The following GPHN variants were observed in gnomAD, a reference collection of about 807,000 sequenced individuals.
GPHN encodes the protein gephyrin.
Under a neutral mutation model 95.5 loss-of-function variants are expected in GPHN, and 17 were observed. That is an observed-to-expected ratio of 0.18 (90% confidence interval 0.12 to 0.27). The LOEUF (loss-of-function observed/expected upper bound fraction) is 0.27, where lower values mean the gene tolerates loss of function less well. Ranked by LOEUF, GPHN falls within the 10% of genes least tolerant of loss-of-function variation. GPHN has a pLI of 1.00. For missense variants in GPHN, 660 were observed against 978.1 expected (o/e 0.67, Z 4.34); for synonymous variants, 320 against 322.5 (o/e 0.99, Z 0.08).
At chr14:67,050,434 G>A (rs1029940447) in intron 10 of GPHN, among the ~76,000 whole-genome samples, 6 of 152,124 alleles carry the variant, frequency 3.9e-5, no homozygotes, top group Non-Finnish European at 8.8e-5. Context: ...TGTAAGGAAG[G>A]CACTATTCTA....
At chr14:67,497,923 C>T in the GPHN span, among the ~76,000 whole-genome samples, 1 of 151,958 alleles carries the variant, frequency 6.6e-6, no homozygotes, top group African/African-American at 2.4e-5. Context: ...GCCCAAGCAA[C>T]CACATATTAG....
chr14:67,292,664 A>G, the GPHN span: 1 of 1,613,650 alleles, frequency 6.2e-7, no homozygotes, highest in Non-Finnish European at 8.5e-7. Flanking sequence ...GTACACATGA[A>G]CAAGGCCAGT....
chr14:66,659,008 A>T (rs369644435), intron 1 of GPHN, among the ~76,000 whole-genome samples: 3 of 151,140 alleles, frequency 2.0e-5, no homozygotes. Context: ...ATGCTTGTCA[A>T]TTTCTAGATT....
rs74057233 is a variant in GPHN, at chr14:66,661,194, G to A, written c.65-19913G>A. Among the ~76,000 whole-genome samples, 1,182 of 152,304 alleles carry A rather than the reference G, an allele frequency of 7.8e-3. 20 individuals carry two copies. Among genetic ancestry groups the A allele is most frequent in the African/African-American group, 0.027 (1,113 of 41,564 alleles). On this transcript the variant is annotated intron_variant, in intron 1 of 22. Coordinates refer to ENST00000478722, the MANE Select transcript of GPHN (RefSeq NM_020806.5). ...GGCCCCATTTCCACAGCTTCTCACA[G>A]GATAAGACCCACTGGCTTGGAATTT...
At chr14:67,479,371 A>C in the GPHN span, among the ~76,000 whole-genome samples, 2 of 149,562 alleles carry the variant, frequency 1.3e-5, no homozygotes, top group Non-Finnish European at 3.0e-5. Flanking sequence ...AGATCGTACC[A>C]CTGCACTCCA....
the GPHN span, among the ~76,000 whole-genome samples, chr14:67,480,662 G>A: frequency 2.0e-5 from 3 of 152,260 alleles, no homozygotes; most frequent in Non-Finnish European, 4.4e-5. Context: ...TGACCTGCAC[G>A]TATCCCCCTG....
chr14:67,703,804 T>C, the GPHN span, among the ~76,000 whole-genome samples: 1 of 152,110 alleles, frequency 6.6e-6, no homozygotes. Context: ...GCCTCCCTAA[T>C]AGCTGGGACT....
intron 1 of GPHN, among the ~76,000 whole-genome samples, chr14:66,561,910 A>G (rs1004310012): frequency 6.6e-6 from 1 of 152,018 alleles, no homozygotes; most frequent in Non-Finnish European, 1.5e-5. Context: ...TCCACCTTCT[A>G]GAGGCTGCCT....
chr14:67,480,844 G>A, the GPHN span, among the ~76,000 whole-genome samples: 46 of 152,256 alleles, frequency 3.0e-4, 1 homozygote, highest in Middle Eastern at 0.01. Context: ...GGCCCAGACC[G>A]GTTTCCCAGC....
chr14:67,167,872 C>T (rs1333286048), intron 20 of GPHN, among the ~76,000 whole-genome samples: 1 of 152,192 alleles, frequency 6.6e-6, no homozygotes. Flanking sequence ...AATAATGCCA[C>T]ACAAGAAATC....
intron 9 of GPHN, among the ~76,000 whole-genome samples, chr14:66,975,280 G>C (rs2070134833): frequency 6.6e-6 from 1 of 152,144 alleles, no homozygotes; most frequent in South Asian, 2.1e-4. Context: ...AGGTTTTGGA[G>C]TCATCTCTTA....
intron 2 of GPHN, among the ~76,000 whole-genome samples, chr14:66,749,006 A>G (rs1041919833): frequency 3.3e-5 from 5 of 152,012 alleles, no homozygotes; most frequent in African/African-American, 4.8e-5. Flanking sequence ...TATTCTACCT[A>G]TTCATCCCTT....
chr14:67,485,163 C>T, the GPHN span, among the ~76,000 whole-genome samples: 7 of 152,304 alleles, frequency 4.6e-5, no homozygotes, highest in South Asian at 2.1e-4. Flanking sequence ...CTGAACCAAA[C>T]GGTACAACAG....
chr14:66,817,863 C>A (rs946937123), intron 3 of GPHN, among the ~76,000 whole-genome samples: 1 of 152,122 alleles, frequency 6.6e-6, no homozygotes, highest in East Asian at 1.9e-4. Flanking sequence ...AACAGCCATA[C>A]CATGACTTAT....
intron 13 of GPHN, among the ~76,000 whole-genome samples, chr14:67,109,147 G>A (rs959414010): frequency 6.6e-6 from 1 of 152,168 alleles, no homozygotes; most frequent in Non-Finnish European, 1.5e-5. Context: ...AAGTACAGTA[G>A]AAAATATGGT....
chr14:67,053,312 A>G (rs1051136408), intron 10 of GPHN, among the ~76,000 whole-genome samples: 1 of 152,058 alleles, frequency 6.6e-6, no homozygotes, highest in African/African-American at 2.4e-5. Context: ...AATATGAACA[A>G]CCATCAGAGA....
chr14:66,511,954 A>C (rs1415477780), intron 1 of GPHN, among the ~76,000 whole-genome samples: 3 of 151,976 alleles, frequency 2.0e-5, no homozygotes, highest in Non-Finnish European at 4.4e-5. Context: ...TTTGTTCGAA[A>C]CTGTCTTATG....
intron 8 of GPHN, among the ~76,000 whole-genome samples, chr14:66,937,136 G>A (rs909589110): frequency 1.3e-5 from 2 of 151,928 alleles, no homozygotes; most frequent in Non-Finnish European, 2.9e-5. Context: ...CCAAGTAGCT[G>A]GGGACTACAG....
At chr14:66,988,109 T>A (rs1323815108) in intron 9 of GPHN, among the ~76,000 whole-genome samples, 2 of 151,834 alleles carry the variant, frequency 1.3e-5, no homozygotes, top group African/African-American at 4.8e-5. Flanking sequence ...TTCCTTTCTG[T>A]CTCTTTTCCC....
Sources: allele counts gnomAD v4.1 joint callset (sites outside exome capture counted in the v4.1 genomes callset), GRCh38; gene constraint gnomAD v4.1.1; transcripts MANE v1.5; gene names NCBI Gene and HGNC (gene_info 2026-07-23, HGNC 2026-07-21).